Variants in LRBA observed in about 807,000 individuals in gnomAD.
The protein encoded by LRBA is LPS responsive beige-like anchor protein.
In LRBA, 176 loss-of-function variants were observed where a neutral mutation model predicts 330.0. The observed-to-expected ratio is 0.53, with a 90% CI of 0.47 to 0.60. The LOEUF (loss-of-function observed/expected upper bound fraction) is 0.60, where lower values mean the gene tolerates loss of function less well. Among genes scored for constraint, LRBA ranks in the 20% least tolerant of loss-of-function variants. The pLI is 0.00. For synonymous variants in LRBA, 1,230 were observed against 1,193.0 expected, an observed-to-expected ratio of 1.03 and a Z score of -0.64; for missense variants, 3,259 against 3,444.8, an observed-to-expected ratio of 0.95 and a Z score of 1.35.
chr4:150,783,751 T>C (rs188193377), intron 34 of LRBA, among the ~76,000 whole-genome samples: 6 of 152,352 alleles, frequency 3.9e-5, no homozygotes, highest in African/African-American at 1.4e-4. Context: ...TTGGGGTTTC[T>C]GGTTAACTAC....
chr4:150,847,340 A>G (rs1276472198), intron 26 of LRBA, among the ~76,000 whole-genome samples: 1 of 152,164 alleles, frequency 6.6e-6, no homozygotes. Context: ...CTGTCTATAA[A>G]TTGTTATTCC....
chr4:150,859,257 C>T (rs1015704498), intron 22 of LRBA, among the ~76,000 whole-genome samples: 1 of 152,048 alleles, frequency 6.6e-6, no homozygotes, highest in Non-Finnish European at 1.5e-5. Context: ...GTCATAAACC[C>T]ATTCTAACTT....
intron 40 of LRBA, among the ~76,000 whole-genome samples, chr4:150,564,763 C>A (rs749434086): frequency 6.6e-6 from 1 of 152,114 alleles, no homozygotes; most frequent in Non-Finnish European, 1.5e-5. Context: ...ATGTATGTGG[C>A]TAACAAACAT....
intron 36 of LRBA, among the ~76,000 whole-genome samples, chr4:150,707,248 A>T (rs1357009265): frequency 6.6e-6 from 1 of 151,652 alleles, no homozygotes; most frequent in African/African-American, 2.4e-5. Context: ...CTATAGAAAA[A>T]ACTAAATGAA....
chr4:150,776,215 G>C (rs757940610), intron 34 of LRBA, among the ~76,000 whole-genome samples: 14 of 152,142 alleles, frequency 9.2e-5, no homozygotes, highest in Non-Finnish European at 8.8e-5. Flanking sequence ...CACTAGGGAG[G>C]CTGAGGCAGG....
chr4:150,347,115 A>G (rs570956640), intron 48 of LRBA, among the ~76,000 whole-genome samples: 4 of 152,360 alleles, frequency 2.6e-5, no homozygotes, highest in Non-Finnish European at 4.4e-5. Context: ...TAAGCTAGAC[A>G]TAAAAAGACA....
At chr4:150,894,075 A>C (rs1021803870) in intron 16 of LRBA, among the ~76,000 whole-genome samples, 14 of 152,198 alleles carry the variant, frequency 9.2e-5, no homozygotes. Context: ...TATATCCAAC[A>C]TGACTTTTTT....
intron 2 of LRBA, among the ~76,000 whole-genome samples, chr4:150,957,078 C>T (rs1737624788): frequency 2.0e-5 from 3 of 148,882 alleles, no homozygotes; most frequent in Admixed American, 2.0e-4. Context: ...ATGACCAACA[C>T]AATAACAATG....
intron 35 of LRBA, among the ~76,000 whole-genome samples, chr4:150,754,349 TAATTTA>T (rs1295013325): frequency 1.4e-5 from 2 of 145,292 alleles, no homozygotes; most frequent in African/African-American, 2.8e-5. Flanking sequence ...TGATAAACAT[TAATTTA>T]AATAATCTAA....
At chr4:150,715,041 G>C (rs1442594013) in intron 36 of LRBA, among the ~76,000 whole-genome samples, 2 of 152,108 alleles carry the variant, frequency 1.3e-5, no homozygotes, top group Non-Finnish European at 2.9e-5. Flanking sequence ...CTCATTTTCA[G>C]AACAATAAGT....
Position 151,014,576 on chromosome 4 carries a change from T to C in LRBA, c.67A>G (p.Arg23Gly). 1 of 1,612,270 alleles carries C rather than the reference T, an allele frequency of 6.2e-7. No individual in the cohort carries two copies. The highest frequency in any genetic ancestry group is 8.5e-7 in the Non-Finnish European group (1 of 1,179,146). The change falls in exon 2 of 57, where the codon AGA becomes GGA. Residue 23 changes from arginine to glycine, a missense_variant. Physicochemically the swap from Arg to Gly is moderately radical, Grantham distance 125 (BLOSUM62 -2). Coordinates refer to ENST00000651943, the MANE Select transcript of LRBA (RefSeq NM_001364905.1). The stretch of plus-strand genomic sequence containing the variant: ...CCCCCTTCAGTAGGGGTTTCTTCTC[T>C]CCCTCCACCTCCCCCGTCATCACCT... ...PTGDDGGGGGREETPTEGGAL... is the reference protein window; with the variant it reads ...PTGDDGGGGGGEETPTEGGAL...
At chr4:150,282,309 A>G (rs1747635560) in intron 55 of LRBA, 141 bp downstream of exon 55, 3 of 693,826 alleles carry the variant, frequency 4.3e-6, no homozygotes, top group South Asian at 1.9e-5. Flanking sequence ...TCTGAGTGCT[A>G]CCTAAAGATT....
chr4:150,533,767 T>C (rs888027883), intron 40 of LRBA, among the ~76,000 whole-genome samples: 4 of 152,172 alleles, frequency 2.6e-5, no homozygotes, highest in Admixed American at 1.3e-4. Context: ...CGGGCTTCCT[T>C]CCACTCAGAC....
intron 40 of LRBA, among the ~76,000 whole-genome samples, chr4:150,500,269 T>TAA (rs34244316): frequency 3.5e-5 from 5 of 144,150 alleles, no homozygotes; most frequent in East Asian, 4.0e-4. Context: ...AAGGTAAAGT[T>TAA]AAAAAAAAAA....
At chr4:150,801,076 T>C (rs1394920389) in intron 33 of LRBA, among the ~76,000 whole-genome samples, 1 of 152,178 alleles carries the variant, frequency 6.6e-6, no homozygotes, top group Non-Finnish European at 1.5e-5. Context: ...ATCTGGAATA[T>C]AAGAGCCCTC....
chr4:150,604,963 A>G (rs1424847419), intron 37 of LRBA, among the ~76,000 whole-genome samples: 1 of 152,230 alleles, frequency 6.6e-6, no homozygotes, highest in African/African-American at 2.4e-5. Context: ...GAAAAAGTGG[A>G]CATATTAGGA....
At chr4:150,586,864 C>G (rs1772176176) in intron 40 of LRBA, among the ~76,000 whole-genome samples, 1 of 152,118 alleles carries the variant, frequency 6.6e-6, no homozygotes. Context: ...TTCTTAAATT[C>G]AGAAGTTACC....
intron 32 of LRBA, 104 bp downstream of exon 32, chr4:150,808,216 A>G: frequency 1.4e-6 from 1 of 740,572 alleles, no homozygotes; most frequent in African/African-American, 1.8e-5. Flanking sequence ...GTTGAAAGAA[A>G]GAAATGAAAT....
At chr4:150,650,657 A>G (rs910151215) in intron 37 of LRBA, among the ~76,000 whole-genome samples, 20 of 152,282 alleles carry the variant, frequency 1.3e-4, no homozygotes, top group African/African-American at 4.6e-4. Flanking sequence ...GTCAGATAGT[A>G]AACTGTTAAT....
Sources: allele counts gnomAD v4.1 joint callset (sites outside exome capture counted in the v4.1 genomes callset), GRCh38; gene constraint gnomAD v4.1.1; transcripts MANE v1.5; gene names NCBI Gene and HGNC (gene_info 2026-07-23, HGNC 2026-07-21).